ADAMTS6: variants seen among roughly 807,000 people sequenced by gnomAD.
ADAMTS6 encodes the protein ADAM metallopeptidase with thrombospondin type 1 motif 6.
In ADAMTS6, 23 loss-of-function variants were observed where a neutral mutation model predicts 144.3. That is an observed-to-expected ratio of 0.16 (90% CI 0.11 to 0.23). The LOEUF (loss-of-function observed/expected upper bound fraction) is 0.23, where lower values mean the gene tolerates loss of function less well. Ranked by LOEUF, ADAMTS6 falls within the 10% of genes least tolerant of loss-of-function variation. The pLI is 1.00. For synonymous variants in ADAMTS6, 444 were observed against 457.5 expected (o/e 0.97, Z 0.38); for missense variants, 999 against 1,379.6 (o/e 0.72, Z 4.37).
chr5:65,366,200 A>C (rs1481125886), intron 7 of ADAMTS6, among the ~76,000 whole-genome samples: 1 of 152,186 alleles, frequency 6.6e-6, no homozygotes, highest in Non-Finnish European at 1.5e-5. Flanking sequence ...AAGGAATGTA[A>C]TAACTTTAGT....
At chr5:65,284,367 ATATTAAGAAAATAATC>A (rs1763207733) in intron 11 of ADAMTS6, among the ~76,000 whole-genome samples, 1 of 152,048 alleles carries the variant, frequency 6.6e-6, no homozygotes, top group Non-Finnish European at 1.5e-5. Flanking sequence ...ATTAATTAAT[ATATTAAGAAAATAATC>A]TATGCACTAC....
intron 7 of ADAMTS6, among the ~76,000 whole-genome samples, chr5:65,398,805 AAAGAAAG>A (rs1452962838): frequency 0.049 from 5,611 of 114,662 alleles, 255 homozygotes; most frequent in South Asian, 0.088. Flanking sequence ...AGAAAGAAAG[AAAGAAAG>A]AAAGAAAGAA....
rs148320406 is a variant in ADAMTS6, at chr5:65,181,820, C to T, written c.2910+6196G>A. The stretch of plus-strand genomic sequence containing the variant: ...TATACGGAACTCAGTTTTTGTATTT[C>T]GAGGCTATGATTAGTTTTCTAACGG... On this transcript the variant is annotated intron_variant, in intron 22 of 24. Transcript: ENST00000381055. 9.7e-3 allele frequency among the ~76,000 whole-genome samples: 1,483 copies of T among 152,294 alleles called. 14 individuals are homozygous for T. Among genetic ancestry groups the T allele is most frequent in the Non-Finnish European group, 0.015 (1,039 of 68,010 alleles).
chr5:65,374,409 A>G (rs967553027), intron 7 of ADAMTS6, among the ~76,000 whole-genome samples: 1 of 149,282 alleles, frequency 6.7e-6, no homozygotes, highest in African/African-American at 2.5e-5. Flanking sequence ...ACTTCAGCAA[A>G]GTCTCAGGAT....
In ADAMTS6 at chr5:65,226,220, C is replaced by CTGGACAAATACAG. The variant is rs1157212077; in HGVS notation, c.1934-14_1934-2dup. On this transcript the variant is annotated splice_acceptor_variant, in intron 15 of 24. Transcript: ENST00000381055. LOFTEE classifies it high-confidence loss of function. The stretch of plus-strand genomic sequence containing the variant: ...TTTAATGCACAAGGTTTTACCCCAC[C>CTGGACAAATACAG]TGGACAAATACAGTAGAAGAGAAAT... 1 of 1,612,988 alleles carries CTGGACAAATACAG rather than the reference C, an allele frequency of 6.2e-7. No individual in the cohort carries two copies. Among genetic ancestry groups the CTGGACAAATACAG allele is most frequent in the African/African-American group, 1.3e-5 (1 of 75,018 alleles).
intron 14 of ADAMTS6, among the ~76,000 whole-genome samples, chr5:65,254,801 T>C (rs1760504986): frequency 6.6e-6 from 1 of 152,224 alleles, no homozygotes. Context: ...TATATTATCA[T>C]AGTTTTTCTA....
intron 7 of ADAMTS6, among the ~76,000 whole-genome samples, chr5:65,395,148 CAG>C (rs1442111340): frequency 6.6e-6 from 1 of 152,128 alleles, no homozygotes. Context: ...CCATGTGACA[CAG>C]AGTCTGTGTG....
intron 7 of ADAMTS6, among the ~76,000 whole-genome samples, chr5:65,360,101 A>G (rs959393145): frequency 6.6e-6 from 1 of 152,178 alleles, no homozygotes; most frequent in Admixed American, 6.5e-5. Flanking sequence ...GAATTGGCTC[A>G]TGTTCCACAG....
intron 19 of ADAMTS6, 144 bp downstream of exon 19, chr5:65,215,180 G>T: frequency 9.3e-7 from 1 of 1,073,594 alleles, no homozygotes; most frequent in Non-Finnish European, 1.3e-6. Flanking sequence ...ACTCTGCACA[G>T]CTCTAACACC....
At chr5:65,437,464 A>G (rs1045929640) in intron 7 of ADAMTS6, among the ~76,000 whole-genome samples, 3 of 152,072 alleles carry the variant, frequency 2.0e-5, no homozygotes, top group Admixed American at 6.5e-5. Flanking sequence ...TAGCAAGGGA[A>G]AGACTCACCC....
intron 22 of ADAMTS6, 133 bp from the exon 23 acceptor site, chr5:65,173,141 T>C: frequency 3.5e-6 from 3 of 847,192 alleles, no homozygotes; most frequent in Non-Finnish European, 5.3e-6. Context: ...GCAAAGTCTC[T>C]CAGATACAAC....
intron 14 of ADAMTS6, among the ~76,000 whole-genome samples, chr5:65,258,322 C>T (rs1032088118): frequency 7.2e-5 from 11 of 151,910 alleles, no homozygotes; most frequent in Admixed American, 5.9e-4. Context: ...TGCAAAAGCC[C>T]GAAGGTAGGA....
At chr5:65,201,843 T>C (rs1348959972) in intron 20 of ADAMTS6, among the ~76,000 whole-genome samples, 2 of 152,136 alleles carry the variant, frequency 1.3e-5, no homozygotes, top group Non-Finnish European at 2.9e-5. Context: ...AGCCACAGCA[T>C]CCATAGTAGC....
intron 22 of ADAMTS6, among the ~76,000 whole-genome samples, chr5:65,178,342 A>G (rs914821243): frequency 6.6e-6 from 1 of 152,222 alleles, no homozygotes; most frequent in Non-Finnish European, 1.5e-5. Context: ...ATACCACATC[A>G]ATTTAAAGCT....
At chr5:65,266,955 G>T (rs1362765242) in intron 12 of ADAMTS6, among the ~76,000 whole-genome samples, 1 of 152,032 alleles carries the variant, frequency 6.6e-6, no homozygotes, top group East Asian at 1.9e-4. Flanking sequence ...TGTGGATCAA[G>T]TGATTTGAAT....
At chr5:65,163,761 T>G (rs1752937518) in intron 24 of ADAMTS6, among the ~76,000 whole-genome samples, 1 of 152,230 alleles carries the variant, frequency 6.6e-6, no homozygotes, top group Non-Finnish European at 1.5e-5. Flanking sequence ...TGTGCATATA[T>G]TTGACCCTGC....
rs992362815 is a variant in ADAMTS6 at position 65,427,201 on chromosome 5, C to G, written c.1073+24274G>C. Among the ~76,000 whole-genome samples, 15 of 152,096 alleles carry G rather than the reference C, an allele frequency of 9.9e-5. No individual in the cohort carries two copies. In the East Asian group the frequency reaches 2.3e-3, roughly 23 times the overall value. On this transcript the variant is annotated intron_variant, in intron 7 of 24. Coordinates refer to ENST00000381055, the MANE Select transcript of ADAMTS6 (RefSeq NM_197941.4). ...ACGGTTATATAAATGTACTCAATAG[C>G]AACATAATTGAATAAATTTTCTATT...
At chr5:65,309,381 G>A (rs770837499) in intron 9 of ADAMTS6, among the ~76,000 whole-genome samples, 1 of 150,326 alleles carries the variant, frequency 6.7e-6, no homozygotes, top group Non-Finnish European at 1.5e-5. Flanking sequence ...TTCACAAAAG[G>A]GCTCTCGCTC....
At chr5:65,309,693 T>A (rs1000070690) in intron 9 of ADAMTS6, among the ~76,000 whole-genome samples, 1 of 152,170 alleles carries the variant, frequency 6.6e-6, no homozygotes, top group Non-Finnish European at 1.5e-5. Flanking sequence ...TGTTCTACAA[T>A]TTGGCAACTG....
Sources: gnomAD v4.1 joint callset for allele counts (sites outside exome capture counted in the v4.1 genomes callset) on GRCh38, gnomAD v4.1.1 for gene constraint, MANE v1.5 for transcripts, NCBI Gene and HGNC (gene_info 2026-07-23, HGNC 2026-07-21) for gene names.